GPD2: variants seen among roughly 807,000 people sequenced by gnomAD.
The protein encoded by GPD2 is glycerol-3-phosphate dehydrogenase, mitochondrial.
A neutral mutation model predicts 82.4 loss-of-function variants in GPD2; 54 were observed. That is an observed-to-expected ratio of 0.66 (90% CI 0.53 to 0.82). The LOEUF (loss-of-function observed/expected upper bound fraction) is 0.82. Among genes scored for constraint, GPD2 ranks in the 40% least tolerant of loss-of-function variants. The pLI is 0.00. For synonymous variants in GPD2, 288 were observed against 306.1 expected (o/e 0.94, Z 0.62); for missense variants, 748 against 896.2 (o/e 0.83, Z 2.11).
Position 156,530,287 on chromosome 2 carries a change from T to G in GPD2, c.661+16791T>G, listed in dbSNP as rs1470523776. 2.8e-5 allele frequency among the ~76,000 whole-genome samples: 2 copies of G among 71,598 alleles called. 1 individual carries two copies. The highest frequency in any genetic ancestry group is 9.0e-4 in the South Asian group (2 of 2,230). 47.0% of individuals were successfully genotyped at this position (71,598 alleles called of 152,430 possible). A position where few individuals can be genotyped will look rare whatever the true frequency, so the allele number is the denominator to read the frequency against. On this transcript the variant is annotated intron_variant, in intron 6 of 16. Transcript: ENST00000438166. Reference sequence around the variant, plus strand: ...ATGCTTGTGATTTTTGTACATTGATTTTGTATCCTGAGACTTTGCTTATCA... The same window carrying G: ...ATGCTTGTGATTTTTGTACATTGATGTTGTATCCTGAGACTTTGCTTATCA...
At chr2:156,425,923 C>CTTTT in the GPD2 span, among the ~76,000 whole-genome samples, 4 of 136,412 alleles carry the variant, frequency 2.9e-5, no homozygotes, top group Admixed American at 7.4e-5. Flanking sequence ...AGTCTGGGTA[C>CTTTT]TTTTTTTTTT....
chr2:156,535,153 A>G (rs988260722), intron 6 of GPD2, among the ~76,000 whole-genome samples: 1 of 151,996 alleles, frequency 6.6e-6, no homozygotes, highest in African/African-American at 2.4e-5. Flanking sequence ...TGAATTCTCT[A>G]GGCAATGGGC....
intron 6 of GPD2, among the ~76,000 whole-genome samples, chr2:156,545,310 A>G (rs1333147417): frequency 6.6e-6 from 1 of 152,234 alleles, no homozygotes; most frequent in Admixed American, 6.5e-5. Flanking sequence ...CAGAGAGGTC[A>G]CTGTGACACT....
chr2:156,558,808 G>A (rs1282745846), intron 9 of GPD2, among the ~76,000 whole-genome samples: 1 of 107,032 alleles, frequency 9.3e-6, no homozygotes, highest in African/African-American at 3.5e-5. Context: ...AGTAGAGACA[G>A]TGTTTCACTA....
intron 1 of GPD2, among the ~76,000 whole-genome samples, chr2:156,451,193 G>A (rs1182260696): frequency 6.6e-5 from 10 of 152,030 alleles, no homozygotes; most frequent in Non-Finnish European, 1.0e-4. Context: ...CCTCCCAGAC[G>A]GGGTGGTGGC....
At chr2:156,426,687 C>T in the GPD2 span, among the ~76,000 whole-genome samples, 1 of 152,054 alleles carries the variant, frequency 6.6e-6, no homozygotes, top group African/African-American at 2.4e-5. Flanking sequence ...ATTTTGCAAC[C>T]CATATTCCTG....
the GPD2 span, among the ~76,000 whole-genome samples, chr2:156,426,827 A>T: frequency 7.9e-4 from 22 of 27,870 alleles, no homozygotes; most frequent in East Asian, 0.025. Flanking sequence ...GAGAAATTTA[A>T]AAAAAAAAGA....
chr2:156,582,700 C>A, intron 16 of GPD2, 93 bp from the exon 17 acceptor site: 18 of 1,360,646 alleles, frequency 1.3e-5, no homozygotes, highest in Non-Finnish European at 1.9e-5. Flanking sequence ...CACTTAATTA[C>A]CTCTGTCTGC....
At chr2:156,561,040 C>CTTTTTTTTTTTTTTATTTTTTTTTTTTTT (rs1687150311) in intron 9 of GPD2, among the ~76,000 whole-genome samples, 1 of 27,624 alleles carries the variant, frequency 3.6e-5, no homozygotes, top group Non-Finnish European at 6.0e-5. Flanking sequence ...TGACATTAAG[C>CTTTTTTTTTTTTTTATTTTTTTTTTTTTT]TTTTTTTTTT....
At chr2:156,428,800 A>G in the GPD2 span, among the ~76,000 whole-genome samples, 1 of 152,232 alleles carries the variant, frequency 6.6e-6, no homozygotes, top group Non-Finnish European at 1.5e-5. Flanking sequence ...CAGAACAAAG[A>G]TTCTCTGCTT....
intron 2 of GPD2, among the ~76,000 whole-genome samples, chr2:156,491,989 C>T (rs1051910456): frequency 6.0e-5 from 9 of 149,688 alleles, no homozygotes; most frequent in African/African-American, 2.0e-4. Flanking sequence ...CACTGCACTC[C>T]AGCCTGAGTG....
chr2:156,451,472 ACC>A (rs1268445683), intron 1 of GPD2, among the ~76,000 whole-genome samples: 3 of 27,188 alleles, frequency 1.1e-4, no homozygotes, highest in African/African-American at 3.7e-4. Context: ...CGGGGGGCTG[ACC>A]CCCCCACCTC....
the GPD2 span, among the ~76,000 whole-genome samples, chr2:156,423,991 T>C: frequency 4.7e-4 from 72 of 152,314 alleles, no homozygotes; most frequent in African/African-American, 1.7e-3. Context: ...CGAAAGGGTA[T>C]TGATTTTAGC....
chr2:156,519,600 A>C (rs2105284960), intron 6 of GPD2, among the ~76,000 whole-genome samples: 1 of 152,390 alleles, frequency 6.6e-6, no homozygotes, highest in South Asian at 2.1e-4. Context: ...GATACACATA[A>C]AAGAATACGT....
chr2:156,458,429 G>T (rs977128158), intron 1 of GPD2, among the ~76,000 whole-genome samples: 21 of 152,328 alleles, frequency 1.4e-4, no homozygotes, highest in African/African-American at 5.1e-4. Context: ...GCTGTAATGT[G>T]CAATAACTAA....
intron 13 of GPD2, among the ~76,000 whole-genome samples, chr2:156,574,789 A>C (rs1384591398): frequency 6.6e-6 from 1 of 152,146 alleles, no homozygotes; most frequent in Non-Finnish European, 1.5e-5. Flanking sequence ...GGTGTTGGGG[A>C]AAAAATACTT....
At chr2:156,531,581 C>G (rs937315190) in intron 6 of GPD2, among the ~76,000 whole-genome samples, 1 of 152,370 alleles carries the variant, frequency 6.6e-6, no homozygotes, top group South Asian at 2.1e-4. Context: ...AGGCTGAGGC[C>G]ACAGATGTCG....
chr2:156,418,986 C>A, the GPD2 span, among the ~76,000 whole-genome samples: 2 of 151,184 alleles, frequency 1.3e-5, no homozygotes, highest in African/African-American at 4.9e-5. Flanking sequence ...TCAGGGAGGC[C>A]CGGCGGCTTC....
intron 16 of GPD2, among the ~76,000 whole-genome samples, chr2:156,580,808 A>G (rs1277531588): frequency 2.0e-5 from 3 of 152,200 alleles, no homozygotes; most frequent in East Asian, 3.8e-4. Context: ...ACAAAAAAGA[A>G]TGTTTGGTTC....
Sources: allele counts gnomAD v4.1 joint callset (sites outside exome capture counted in the v4.1 genomes callset), GRCh38; gene constraint gnomAD v4.1.1; transcripts MANE v1.5; gene names NCBI Gene and HGNC (gene_info 2026-07-23, HGNC 2026-07-21).